The following CACNA2D4 variants were observed in gnomAD, a reference collection of about 807,000 sequenced individuals.
CACNA2D4 encodes the protein voltage-dependent calcium channel subunit alpha-2/delta-4.
A neutral mutation model predicts 163.8 loss-of-function variants in CACNA2D4; 157 were observed. That is an observed-to-expected ratio of 0.96 (90% CI 0.84 to 1.09). The LOEUF (loss-of-function observed/expected upper bound fraction) is 1.09, where lower values mean the gene tolerates loss of function less well. CACNA2D4 is among the 50% of genes least tolerant of loss of function. CACNA2D4 has a pLI of 0.00. For missense variants in CACNA2D4, 1,410 were observed against 1,479.9 expected, an observed-to-expected ratio of 0.95 and a Z score of 0.78; for synonymous variants, 598 against 586.9, an observed-to-expected ratio of 1.02 and a Z score of -0.27.
At chr12:1,846,877 G>A (rs913618855) in intron 23 of CACNA2D4, among the ~76,000 whole-genome samples, 188 bp from the exon 24 acceptor site, 1 of 152,220 alleles carries the variant, frequency 6.6e-6, no homozygotes, top group African/African-American at 2.4e-5. Flanking sequence ...TGCCCATCAG[G>A]TTTCAGGCCC....
Position 1,843,736 on chromosome 12 carries a change from C to T in CACNA2D4, c.2470+666G>A, listed in dbSNP as rs1174148674. Among the ~76,000 whole-genome samples the T allele has an allele frequency of 6.6e-6, 1 of 152,178 alleles. No individual in the cohort carries two copies. The highest frequency in any genetic ancestry group is 2.4e-5 in the African/African-American group (1 of 41,424). ...TAATTTTTCTTATTTTGGTTATTTT[C>T]CAGAATGGGGGCTGGGGCTGGCTGG... On this transcript the variant is annotated intron_variant, in intron 25 of 37. Transcript: ENST00000382722. The surrounding 1 kb of genome is among the most constrained non-coding windows in gnomAD (Gnocchi z 4.6).
rs756260253 is a variant in CACNA2D4 at position 1,878,590 on chromosome 12, A to G, written c.1645-201T>C. 24 of 965,812 alleles carry G rather than the reference A, an allele frequency of 2.5e-5. No individual in the cohort carries two copies. Among genetic ancestry groups the G allele is most frequent in the Non-Finnish European group, 3.1e-5 (20 of 636,566 alleles). The allele number at this position is 965,812 out of a possible 1,614,324, so 59.8% of individuals were successfully genotyped here. ...TTTCCAAACCGGACTGTTTATAGCA[A>G]CCGTCATCATACATATTATTACCTG... On this transcript the variant is annotated intron_variant, in intron 15 of 37. Coordinates refer to ENST00000382722, the MANE Select transcript of CACNA2D4 (RefSeq NM_172364.5). This position sits in a 1 kb window ranked among gnomAD's most constrained non-coding sequence, Gnocchi z 4.6.
At chr12:1,808,864 C>G (rs557167628) in intron 29 of CACNA2D4, among the ~76,000 whole-genome samples, 1 of 152,068 alleles carries the variant, frequency 6.6e-6, no homozygotes, top group Admixed American at 6.5e-5. Flanking sequence ...TACAAAGGTC[C>G]GGTGCTCTGT....
chr12:1,861,747 T>C (rs1865529490), intron 18 of CACNA2D4, among the ~76,000 whole-genome samples: 1 of 151,312 alleles, frequency 6.6e-6, no homozygotes, highest in African/African-American at 2.4e-5. Flanking sequence ...TCGGCCTATC[T>C]TTTTTTTTAA....
intron 29 of CACNA2D4, among the ~76,000 whole-genome samples, chr12:1,807,272 T>C (rs375349761): frequency 2.6e-5 from 4 of 151,760 alleles, no homozygotes; most frequent in South Asian, 4.2e-4. Context: ...AGGACCTCAA[T>C]GCTGCCAACG....
chr12:1,795,861 T>C, intron 35 of CACNA2D4, 81 bp from the exon 36 acceptor site: 4 of 917,122 alleles, frequency 4.4e-6, no homozygotes, highest in East Asian at 2.4e-5. Flanking sequence ...CTGGAGACTT[T>C]AGTGTGGAGT....
intron 26 of CACNA2D4, among the ~76,000 whole-genome samples, chr12:1,837,955 T>G (rs1488749969): frequency 3.3e-5 from 5 of 152,212 alleles, no homozygotes; most frequent in Non-Finnish European, 7.3e-5. Context: ...GGAGAACTCT[T>G]GCAGCCCTGG....
intron 26 of CACNA2D4, among the ~76,000 whole-genome samples, chr12:1,812,057 T>C (rs1320863058): frequency 6.6e-6 from 1 of 152,054 alleles, no homozygotes; most frequent in Non-Finnish European, 1.5e-5. Flanking sequence ...CAGCTCAGTC[T>C]CCCCTTTCCC....
At chr12:1,894,630 A>ACAG (rs1866361102) in intron 6 of CACNA2D4, among the ~76,000 whole-genome samples, 1 of 109,934 alleles carries the variant, frequency 9.1e-6, no homozygotes, top group Non-Finnish European at 2.0e-5. Context: ...AAGAATGAAA[A>ACAG]TAACCATATA....
intron 6 of CACNA2D4, among the ~76,000 whole-genome samples, chr12:1,894,361 T>C (rs1037137454): frequency 2.0e-5 from 3 of 152,160 alleles, no homozygotes; most frequent in South Asian, 4.1e-4. Flanking sequence ...TTGGAGAGGA[T>C]GGAATTTTCC....
chr12:1,911,469 C>T (rs1318672538), intron 3 of CACNA2D4, among the ~76,000 whole-genome samples: 1 of 152,074 alleles, frequency 6.6e-6, no homozygotes, highest in African/African-American at 2.4e-5. Context: ...CCTCTGCTTG[C>T]ACAACTATAA....
In CACNA2D4 at chr12:1,879,793, C is replaced by A. The variant is rs141318501; in HGVS notation, c.1563+11G>T. 542 of 1,586,414 alleles carry A rather than the reference C, an allele frequency of 3.4e-4. 1 individual carries two copies. The highest frequency in any genetic ancestry group is 4.4e-4 in the Non-Finnish European group (508 of 1,164,714). ...ATCCCTGCTACAACGTCTCCAGGAG[C>A]GGCCACTCACCGTTTCGTTCTTCTT... On this transcript the variant is annotated intron_variant, in intron 14 of 37. Transcript: ENST00000382722.
chr12:1,797,784 G>A (rs1307967068), intron 34 of CACNA2D4: 2 of 562,336 alleles, frequency 3.6e-6, no homozygotes, highest in Non-Finnish European at 6.4e-6. Flanking sequence ...GAGGGAAAGC[G>A]CTTCCTCTGG....
intron 16 of CACNA2D4, among the ~76,000 whole-genome samples, chr12:1,877,058 C>A (rs1865898119): frequency 6.6e-6 from 1 of 152,136 alleles, no homozygotes; most frequent in South Asian, 2.1e-4. Context: ...TTTGCTATAT[C>A]TTTTGTTTTG....
intron 6 of CACNA2D4, among the ~76,000 whole-genome samples, chr12:1,906,116 T>C (rs548311060): frequency 6.6e-6 from 1 of 152,352 alleles, no homozygotes; most frequent in East Asian, 1.9e-4. Flanking sequence ...CTGGGGCAAC[T>C]GTATATCCAC....
intron 19 of CACNA2D4, among the ~76,000 whole-genome samples, chr12:1,859,522 T>C (rs1250172232): frequency 6.6e-6 from 1 of 152,208 alleles, no homozygotes; most frequent in African/African-American, 2.4e-5. Flanking sequence ...TAGAGCCAAA[T>C]ATTTCTACAG....
At chr12:1,868,938 C>T (rs144957318) in intron 18 of CACNA2D4, among the ~76,000 whole-genome samples, 159 of 152,104 alleles carry the variant, frequency 1.0e-3, no homozygotes, top group African/African-American at 2.7e-3. Flanking sequence ...GATGATTTAA[C>T]GTATTAGGGA....
At position 1,828,272 on chromosome 12, in the gene CACNA2D4, A is replaced by G; in HGVS notation, c.2551+12467T>C. 1.4e-6 allele frequency: 2 copies of G among 1,445,922 alleles called. No homozygotes were observed. Among genetic ancestry groups the G allele is most frequent in the Non-Finnish European group, 1.9e-6 (2 of 1,072,180 alleles). 89.6% of individuals were successfully genotyped at this position (1,445,922 alleles called of 1,614,324 possible). On this transcript the variant is annotated intron_variant, in intron 26 of 37. Coordinates refer to ENST00000382722, the MANE Select transcript of CACNA2D4 (RefSeq NM_172364.5). The surrounding 1 kb of genome is among the most constrained non-coding windows in gnomAD (Gnocchi z 4.2). The stretch of plus-strand genomic sequence containing the variant: ...CGGGTTGGGTGGGGGTGCCGAGGTG[A>G]CTGTAGGTAGCGCCATATGGGACCT...
At chr12:1,849,394 T>G (rs554345986) in intron 23 of CACNA2D4, among the ~76,000 whole-genome samples, 1 of 152,340 alleles carries the variant, frequency 6.6e-6, no homozygotes, top group South Asian at 2.1e-4. Flanking sequence ...AGAATAACAA[T>G]GCCAATACTA....
Sources: gnomAD v4.1 joint callset for allele counts (sites outside exome capture counted in the v4.1 genomes callset) on GRCh38, gnomAD v4.1.1 for gene constraint, Gnocchi (gnomAD v3.1) non-coding constraint, MANE v1.5 for transcripts, NCBI Gene and HGNC (gene_info 2026-07-23, HGNC 2026-07-21) for gene names.